Variants in GPC5 observed in about 807,000 individuals in gnomAD.
GPC5 encodes the protein glypican 5.
In GPC5, 47 loss-of-function variants were observed where a neutral mutation model predicts 53.9. The observed-to-expected ratio is 0.87, with a 90% confidence interval of 0.69 to 1.11. The LOEUF (loss-of-function observed/expected upper bound fraction) is 1.11, where lower values mean the gene tolerates loss of function less well. Among genes scored for constraint, GPC5 ranks in the 50% most tolerant of loss-of-function variants. The pLI, the probability that GPC5 is intolerant of heterozygous loss-of-function variation, is 0.00. For missense variants in GPC5, 748 were observed against 713.1 expected (o/e 1.05, Z -0.56); for synonymous variants, 286 against 263.3 (o/e 1.09, Z -0.84).
In GPC5 at chr13:92,739,724, AAAAAG is replaced by A. The variant is rs199639025; in HGVS notation, c.1562-126556_1562-126552del. Among the ~76,000 whole-genome samples, 968 of 150,550 alleles carry A rather than the reference AAAAAG, an allele frequency of 6.4e-3. 10 individuals carry two copies. Among genetic ancestry groups the A allele is most frequent in the African/African-American group, 0.022 (924 of 41,146 alleles). On this transcript the variant is annotated intron_variant, in intron 7 of 7. Coordinates refer to ENST00000377067, the MANE Select transcript of GPC5 (RefSeq NM_004466.6). ...TCCCATCTTAAAAAAAAAAAGAAAAAAAAAGAGAGAGAGAGAGAGACAATGAGAGA... is the reference window on the plus strand; with the variant it reads ...TCCCATCTTAAAAAAAAAAAGAAAAAAGAGAGAGAGAGAGACAATGAGAGA...
At chr13:91,955,551 T>C (rs1261289014) in intron 6 of GPC5, among the ~76,000 whole-genome samples, 7 of 152,160 alleles carry the variant, frequency 4.6e-5, no homozygotes. Context: ...TGGGATTTGT[T>C]GGGAGCCCAC....
chr13:91,678,303 C>T (rs1047529370), intron 2 of GPC5, among the ~76,000 whole-genome samples: 1 of 152,118 alleles, frequency 6.6e-6, no homozygotes, highest in African/African-American at 2.4e-5. Flanking sequence ...TAAATTTAAA[C>T]CGTTTTTAAG....
chr13:92,081,303 T>C (rs1428149314), intron 6 of GPC5, among the ~76,000 whole-genome samples: 1 of 152,104 alleles, frequency 6.6e-6, no homozygotes, highest in African/African-American at 2.4e-5. Context: ...GGCTTCACCA[T>C]GTTGGCCAGG....
At chr13:92,571,762 A>G (rs560699068) in intron 7 of GPC5, among the ~76,000 whole-genome samples, 81 of 152,278 alleles carry the variant, frequency 5.3e-4, no homozygotes, top group African/African-American at 1.9e-3. Flanking sequence ...TACTTTTAAT[A>G]TTACAAAAAT....
At chr13:91,570,957 T>TA (rs2031754220) in intron 2 of GPC5, among the ~76,000 whole-genome samples, 1 of 152,170 alleles carries the variant, frequency 6.6e-6, no homozygotes, top group African/African-American at 2.4e-5. Context: ...AATAATCTAT[T>TA]AAAAATCATA....
At chr13:91,786,558 G>A (rs1017914155) in intron 5 of GPC5, among the ~76,000 whole-genome samples, 8 of 151,972 alleles carry the variant, frequency 5.3e-5, no homozygotes, top group Admixed American at 1.3e-4. Flanking sequence ...ATTTCTCTGG[G>A]TTTGTGGCTT....
chr13:92,024,740 G>A (rs1322518276), intron 6 of GPC5, among the ~76,000 whole-genome samples: 1 of 152,024 alleles, frequency 6.6e-6, no homozygotes, highest in Non-Finnish European at 1.5e-5. Flanking sequence ...ATACTTATTG[G>A]TGCTTTTTAT....
rs188135087 is a variant in GPC5, at chr13:91,951,553, C to A, written c.1401+43496C>A. Among the ~76,000 whole-genome samples the A allele has an allele frequency of 1.1e-3, 167 of 152,160 alleles. 1 individual carries two copies. Among genetic ancestry groups the A allele is most frequent in the Non-Finnish European group, 1.9e-3 (132 of 67,968 alleles). The stretch of plus-strand genomic sequence containing the variant: ...GAAAGTTGTGTCAGAAGAGACACAC[C>A]TTCTGAATACCTAAATAGAATTTTG... On this transcript the variant is annotated intron_variant, in intron 6 of 7. Coordinates refer to ENST00000377067, the MANE Select transcript of GPC5 (RefSeq NM_004466.6).
At chr13:92,477,035 A>G (rs1014082083) in intron 7 of GPC5, among the ~76,000 whole-genome samples, 2 of 138,590 alleles carry the variant, frequency 1.4e-5, no homozygotes, top group African/African-American at 5.6e-5. Flanking sequence ...CCTAAAACTT[A>G]AAGTATAATA....
intron 7 of GPC5, among the ~76,000 whole-genome samples, chr13:92,595,640 C>A (rs2139073259): frequency 6.6e-6 from 1 of 151,142 alleles, no homozygotes; most frequent in Non-Finnish European, 1.5e-5. Flanking sequence ...TGGTGGCGGG[C>A]ACCTGTAATC....
At chr13:91,701,130 A>G (rs1320453193) in intron 3 of GPC5, among the ~76,000 whole-genome samples, 4 of 152,154 alleles carry the variant, frequency 2.6e-5, no homozygotes, top group Non-Finnish European at 4.4e-5. Flanking sequence ...GGTGTACAAC[A>G]TGATATTTTG....
At chr13:91,657,372 G>C (rs1224223717) in intron 2 of GPC5, among the ~76,000 whole-genome samples, 3 of 152,052 alleles carry the variant, frequency 2.0e-5, no homozygotes, top group African/African-American at 7.2e-5. Flanking sequence ...TAACCTAAAA[G>C]AAAAAGATTA....
At chr13:91,551,533 T>A (rs372662776) in intron 2 of GPC5, among the ~76,000 whole-genome samples, 2 of 152,128 alleles carry the variant, frequency 1.3e-5, no homozygotes, top group South Asian at 4.1e-4. Context: ...CCATGGTATG[T>A]CAGGGATTGA....
chr13:92,362,272 T>A (rs1263796401), intron 7 of GPC5, among the ~76,000 whole-genome samples: 2 of 151,742 alleles, frequency 1.3e-5, no homozygotes, highest in Non-Finnish European at 2.9e-5. Context: ...TCAAACTGCG[T>A]CCAAGTCCAT....
At chr13:91,988,689 G>A (rs932241120) in intron 6 of GPC5, among the ~76,000 whole-genome samples, 8 of 152,142 alleles carry the variant, frequency 5.3e-5, no homozygotes, top group Admixed American at 4.6e-4. Context: ...TTTAAGATTT[G>A]TATTATGGGG....
At chr13:92,264,043 T>A (rs917890711) in intron 7 of GPC5, among the ~76,000 whole-genome samples, 20 of 152,016 alleles carry the variant, frequency 1.3e-4, no homozygotes, top group African/African-American at 4.8e-4. Flanking sequence ...ACAGAAAACA[T>A]CACATTATAT....
At chr13:91,545,820 ATGTG>A (rs1185326708) in intron 2 of GPC5, among the ~76,000 whole-genome samples, 1 of 152,138 alleles carries the variant, frequency 6.6e-6, no homozygotes, top group East Asian at 1.9e-4. Flanking sequence ...TATTGCTATA[ATGTG>A]TGTAAGAGTG....
At chr13:91,518,602 G>T (rs989264978) in intron 2 of GPC5, among the ~76,000 whole-genome samples, 3 of 152,112 alleles carry the variant, frequency 2.0e-5, no homozygotes, top group African/African-American at 7.2e-5. Flanking sequence ...GCCCAGGCTG[G>T]AGTGCAGTGG....
rs1172685 is a variant in GPC5 at position 92,770,081 on chromosome 13, T to A, written c.1562-96201T>A. On this transcript the variant is annotated intron_variant, in intron 7 of 7. Coordinates refer to ENST00000377067, the MANE Select transcript of GPC5 (RefSeq NM_004466.6). ...TAGTCAGCACTGTTCCCCAATGGCT[T>A]ATTCCTTTCCTTTTCCTTACCCCAA... 6.3e-3 allele frequency among the ~76,000 whole-genome samples: 962 copies of A among 151,592 alleles called. 9 individuals carry two copies. Among genetic ancestry groups the A allele is most frequent in the African/African-American group, 0.021 (890 of 41,476 alleles).
Sources: allele counts gnomAD v4.1 joint callset (sites outside exome capture counted in the v4.1 genomes callset), GRCh38; gene constraint gnomAD v4.1.1; transcripts MANE v1.5; gene names NCBI Gene and HGNC (gene_info 2026-07-23, HGNC 2026-07-21).